COL4A3: variants seen among roughly 807,000 people sequenced by gnomAD.
COL4A3 encodes the protein collagen alpha-3(IV) chain.
Under a neutral mutation model 217.4 loss-of-function variants are expected in COL4A3, and 135 were observed. That is an observed-to-expected ratio of 0.62 (90% CI 0.54 to 0.72). The LOEUF is 0.72. Among genes scored for constraint, COL4A3 ranks in the 30% least tolerant of loss-of-function variants. The probability of loss-of-function intolerance (pLI) is 0.00; values close to 1 mark genes in which losing one functional copy is unlikely to be tolerated. For missense variants in COL4A3, 1,868 were observed against 2,119.9 expected (o/e 0.88, Z 2.33); for synonymous variants, 690 against 736.3 (o/e 0.94, Z 1.02).
At chr2:227,278,832 G>T (rs2071755788) in intron 28 of COL4A3, among the ~76,000 whole-genome samples, 1 of 152,166 alleles carries the variant, frequency 6.6e-6, no homozygotes, top group African/African-American at 2.4e-5. Flanking sequence ...TGAACTAACT[G>T]CAAATTAAAT....
intron 43 of COL4A3, among the ~76,000 whole-genome samples, chr2:227,299,282 C>T (rs1306801870): frequency 6.6e-6 from 1 of 152,220 alleles, no homozygotes; most frequent in Non-Finnish European, 1.5e-5. Context: ...GTAGTCCCAG[C>T]TACTCAGGAG....
In COL4A3 at chr2:227,270,944, G is replaced by A; in HGVS notation, c.1750G>A (p.Gly584Ser). ...PGVKGLPGPK[G>S]ELALSGEKGD... is the part of the protein sequence containing the mutation. ...AGTGAAAGGATTACCAGGACCTAAAGGCGAACTGGTTGGTATTTAGCAACT... is the reference window on the plus strand; with the variant it reads ...AGTGAAAGGATTACCAGGACCTAAAAGCGAACTGGTTGGTATTTAGCAACT... The change falls in exon 25 of 52, where the codon GGC becomes AGC. Residue 584 changes from glycine (G) to serine (S), a missense_variant. Coordinates refer to ENST00000396578, the MANE Select transcript of COL4A3 (RefSeq NM_000091.5). 1 of 1,614,016 alleles carries A rather than the reference G, an allele frequency of 6.2e-7. No individual in the cohort carries two copies. The highest frequency in any genetic ancestry group is 8.5e-7 in the Non-Finnish European group (1 of 1,179,940).
rs888701431 is a variant in COL4A3 at position 227,311,534 on chromosome 2, G to A, written c.4929-252G>A. 2.6e-5 allele frequency among the ~76,000 whole-genome samples: 4 copies of A among 151,718 alleles called. No homozygotes were observed. The East Asian group carries it at 5.8e-4, about 22-fold the overall frequency. ...AGCTGGGATTACAGGCGTATGCCACGACACCCATCTCATTTTTGTATTTTT... is the reference window on the plus strand; with the variant it reads ...AGCTGGGATTACAGGCGTATGCCACAACACCCATCTCATTTTTGTATTTTT... On this transcript the variant is annotated intron_variant, in intron 51 of 51. Transcript: ENST00000396578.
At chr2:227,176,406 C>T (rs901047410) in intron 1 of COL4A3, among the ~76,000 whole-genome samples, 2 of 152,086 alleles carry the variant, frequency 1.3e-5, no homozygotes, top group African/African-American at 2.4e-5. Context: ...TTTATATTCT[C>T]AGCATTTTGG....
chr2:227,311,045 A>G (rs1172625193), intron 51 of COL4A3, 97 bp downstream of exon 51: 60 of 1,311,852 alleles, frequency 4.6e-5, no homozygotes, highest in Non-Finnish European at 6.4e-5. Context: ...ATGATTTTGT[A>G]CTACTGTGCC....
chr2:227,213,812 G>A (rs1170576199), intron 1 of COL4A3, among the ~76,000 whole-genome samples: 4 of 145,030 alleles, frequency 2.8e-5, no homozygotes, highest in Non-Finnish European at 6.0e-5. Flanking sequence ...TGAGGCAGGA[G>A]AATGGCGTGA....
chr2:227,237,147 T>G (rs1271365138), intron 1 of COL4A3, among the ~76,000 whole-genome samples: 1 of 152,174 alleles, frequency 6.6e-6, no homozygotes, highest in African/African-American at 2.4e-5. Flanking sequence ...CTGAATTTTT[T>G]GTTTTGGTTT....
intron 45 of COL4A3, 39 bp downstream of exon 45, chr2:227,303,969 G>A: frequency 1.2e-6 from 2 of 1,614,200 alleles, no homozygotes; most frequent in Non-Finnish European, 8.5e-7. Flanking sequence ...AATGAAGAAA[G>A]GTAACACATC....
chr2:227,306,992 G>A (rs1382270580), intron 47 of COL4A3, among the ~76,000 whole-genome samples: 1 of 152,100 alleles, frequency 6.6e-6, no homozygotes, highest in Non-Finnish European at 1.5e-5. Flanking sequence ...AAAGAGGAAT[G>A]GAAGAGAGGA....
At chr2:227,222,198 T>A (rs2067845934) in intron 1 of COL4A3, among the ~76,000 whole-genome samples, 1 of 150,706 alleles carries the variant, frequency 6.6e-6, no homozygotes. Flanking sequence ...TTAAGCACCC[T>A]TGACATACAA....
At chr2:227,297,137 A>G (rs1299157711) in intron 41 of COL4A3, among the ~76,000 whole-genome samples, 1 of 152,212 alleles carries the variant, frequency 6.6e-6, no homozygotes, top group East Asian at 1.9e-4. Flanking sequence ...AAAGGACAGA[A>G]TAAAGACTGC....
At chr2:227,251,451 G>A in intron 11 of COL4A3, 80 bp downstream of exon 11, 1 of 1,374,832 alleles carries the variant, frequency 7.3e-7, no homozygotes, top group South Asian at 1.2e-5. Flanking sequence ...TTCTTCATGT[G>A]GGTCACTGTT....
chr2:227,249,058 C>G (rs1422479589), intron 9 of COL4A3, among the ~76,000 whole-genome samples: 1 of 150,150 alleles, frequency 6.7e-6, no homozygotes, highest in Non-Finnish European at 1.5e-5. Context: ...TTTATATGTA[C>G]GTAGCCTGAG....
At chr2:227,245,118 C>G (rs1197027992) in intron 5 of COL4A3, 123 bp downstream of exon 5, 4 of 896,910 alleles carry the variant, frequency 4.5e-6, no homozygotes, top group African/African-American at 3.3e-5. Flanking sequence ...AAAATAGCAC[C>G]TTAGGATGGT....
chr2:227,167,724 C>T (rs1356193110), intron 1 of COL4A3, among the ~76,000 whole-genome samples: 1 of 152,116 alleles, frequency 6.6e-6, no homozygotes. Context: ...ATGGAACAGA[C>T]ACCAACTTAT....
intron 1 of COL4A3, among the ~76,000 whole-genome samples, chr2:227,174,871 C>T (rs1432395055): frequency 2.0e-5 from 3 of 152,138 alleles, no homozygotes; most frequent in Non-Finnish European, 4.4e-5. Flanking sequence ...GACATAGGCG[C>T]TGGGCTAGGT....
At chr2:227,227,924 AG>A (rs1437201317) in intron 1 of COL4A3, 1 of 150,866 alleles carries the variant, frequency 6.6e-6, no homozygotes, top group African/African-American at 2.4e-5. Flanking sequence ...AGAAAAAAAA[AG>A]GAACCTGGAG....
intron 1 of COL4A3, among the ~76,000 whole-genome samples, chr2:227,172,385 G>C (rs903793619): frequency 6.6e-6 from 1 of 152,088 alleles, no homozygotes; most frequent in Non-Finnish European, 1.5e-5. Context: ...TGCTGGTAAG[G>C]GCCCTCTTTC....
At chr2:227,230,061 A>G (rs1042364646) in intron 1 of COL4A3, among the ~76,000 whole-genome samples, 9 of 146,752 alleles carry the variant, frequency 6.1e-5, no homozygotes, top group African/African-American at 2.3e-4. Context: ...AAAAAAAAAA[A>G]AAAAAGAAAT....
Sources: allele counts gnomAD v4.1 joint callset (sites outside exome capture counted in the v4.1 genomes callset), GRCh38; gene constraint gnomAD v4.1.1; transcripts MANE v1.5; gene names NCBI Gene and HGNC (gene_info 2026-07-23, HGNC 2026-07-21).